The following PDE3A variants were observed in gnomAD, a reference collection of about 807,000 sequenced individuals.
The protein encoded by PDE3A is cGMP-inhibited 3',5'-cyclic phosphodiesterase 3A.
In PDE3A, 43 loss-of-function variants were observed where a neutral mutation model predicts 98.3. That is an observed-to-expected ratio of 0.44 (90% CI 0.34 to 0.56). The LOEUF is 0.56. PDE3A is among the 20% of genes least tolerant of loss of function. PDE3A has a pLI of 0.01. For synonymous variants in PDE3A, 663 were observed against 567.9 expected, an observed-to-expected ratio of 1.17 and a Z score of -2.38; for missense variants, 1,427 against 1,440.7, an observed-to-expected ratio of 0.99 and a Z score of 0.15.
intron 1 of PDE3A, among the ~76,000 whole-genome samples, chr12:20,543,619 A>C (rs1565583551): frequency 6.6e-6 from 1 of 152,040 alleles, no homozygotes; most frequent in Non-Finnish European, 1.5e-5. Flanking sequence ...ATGCTGCATG[A>C]AGTTTTAATT....
chr12:20,635,079 A>G (rs377312704), intron 8 of PDE3A, 23 bp downstream of exon 8: 1 of 1,583,524 alleles, frequency 6.3e-7, no homozygotes, highest in Non-Finnish European at 8.6e-7. Flanking sequence ...CACTTAACTC[A>G]CTCATTTACT....
chr12:20,625,354 T>C (rs1269765321), intron 5 of PDE3A, among the ~76,000 whole-genome samples: 1 of 152,172 alleles, frequency 6.6e-6, no homozygotes, highest in African/African-American at 2.4e-5. Context: ...ATCGTTACTG[T>C]ATTTGCAGTA....
chr12:20,438,285 T>C (rs555108562), intron 1 of PDE3A, among the ~76,000 whole-genome samples: 15 of 152,346 alleles, frequency 9.8e-5, no homozygotes, highest in Non-Finnish European at 4.4e-5. Flanking sequence ...CAGTGTTTAC[T>C]ATAAGGCTTT....
At chr12:20,422,077 T>C (rs1192441328) in intron 1 of PDE3A, among the ~76,000 whole-genome samples, 3 of 152,358 alleles carry the variant, frequency 2.0e-5, no homozygotes, top group Non-Finnish European at 4.4e-5. Flanking sequence ...CCGGGCGCAA[T>C]GGCTCACGCC....
rs570798552 is a variant in PDE3A at position 20,656,263 on chromosome 12, G to A, written c.3184+2058G>A. ...CACAGTCAGGATAATGCACAACTTG[G>A]TTCATTCCAACCATCTTGTAAGGAG... On this transcript the variant is annotated intron_variant, in intron 15 of 15. Coordinates refer to ENST00000359062, the MANE Select transcript of PDE3A (RefSeq NM_000921.5). Among the ~76,000 whole-genome samples, 27 of 152,206 alleles carry A rather than the reference G, an allele frequency of 1.8e-4. No individual in the cohort carries two copies. The South Asian group carries it at 5.4e-3, about 30-fold the overall frequency.
intron 8 of PDE3A, among the ~76,000 whole-genome samples, chr12:20,636,024 AGAAAG>A (rs1452151770): frequency 6.6e-6 from 1 of 152,204 alleles, no homozygotes; most frequent in Non-Finnish European, 1.5e-5. Context: ...TATTTTATAA[AGAAAG>A]AAAAGAAAGA....
intron 1 of PDE3A, among the ~76,000 whole-genome samples, chr12:20,424,455 G>C (rs1944572070): frequency 1.3e-5 from 2 of 152,054 alleles, no homozygotes; most frequent in South Asian, 4.1e-4. Flanking sequence ...ATGAATTCCT[G>C]ATTACTCTGT....
chr12:20,626,285 G>C (rs1015897473), intron 5 of PDE3A, among the ~76,000 whole-genome samples: 1 of 146,294 alleles, frequency 6.8e-6, no homozygotes, highest in African/African-American at 2.7e-5. Context: ...AGACCGATAC[G>C]GTCTTCAAAA....
intron 1 of PDE3A, among the ~76,000 whole-genome samples, chr12:20,510,573 G>C (rs1203747413): frequency 2.0e-5 from 3 of 152,042 alleles, no homozygotes; most frequent in Admixed American, 2.0e-4. Flanking sequence ...AGATGGAGAA[G>C]TTGAAGACAC....
At chr12:20,616,483 T>A (rs1944011059) in intron 4 of PDE3A, 99 bp downstream of exon 4, 3 of 1,139,162 alleles carry the variant, frequency 2.6e-6, no homozygotes, top group African/African-American at 3.1e-5. Context: ...CAATTACATT[T>A]GGTTGGAGGT....
At chr12:20,652,786 A>C (rs1365034817) in intron 14 of PDE3A, among the ~76,000 whole-genome samples, 1 of 152,186 alleles carries the variant, frequency 6.6e-6, no homozygotes, top group Non-Finnish European at 1.5e-5. Flanking sequence ...CATGTCTAAA[A>C]CACCAAAAGC....
At chr12:20,547,464 A>G (rs1303206784) in intron 1 of PDE3A, among the ~76,000 whole-genome samples, 1 of 152,206 alleles carries the variant, frequency 6.6e-6, no homozygotes, top group African/African-American at 2.4e-5. Context: ...ATGATGAAAT[A>G]GAAAGTGGAC....
intron 1 of PDE3A, among the ~76,000 whole-genome samples, chr12:20,488,135 G>A (rs1945763234): frequency 6.6e-6 from 1 of 151,964 alleles, no homozygotes; most frequent in Admixed American, 6.6e-5. Context: ...CTCTTGGGGG[G>A]CAAGAGGGGC....
In PDE3A at chr12:20,369,577, CGGA is replaced by C. The variant is rs779076986; in HGVS notation, c.303_305del (p.Glu102del). Reference sequence around the variant, plus strand: ...GAGCAGTGTAAGGAGGCGGCGGCGGCGGAGGAGGAGGAAGCAGCCCCGGGAGCA... The same window carrying C: ...GAGCAGTGTAAGGAGGCGGCGGCGGCGGAGGAGGAAGCAGCCCCGGGAGCA... On this transcript the variant is annotated inframe_deletion, in exon 1 of 16. Transcript: ENST00000359062. 3.9e-6 allele frequency: 6 copies of C among 1,549,492 alleles called. No homozygotes were observed. The highest frequency in any genetic ancestry group is 2.0e-5 in the Admixed American group (1 of 50,840).
chr12:20,494,429 A>G (rs766324569), intron 1 of PDE3A, among the ~76,000 whole-genome samples: 8 of 152,140 alleles, frequency 5.3e-5, no homozygotes, highest in Non-Finnish European at 8.8e-5. Flanking sequence ...TTTTATTGTA[A>G]TGTGGTCAGA....
chr12:20,590,641 GAGGAAA>G (rs1012142578), intron 2 of PDE3A, among the ~76,000 whole-genome samples: 8 of 151,400 alleles, frequency 5.3e-5, no homozygotes, highest in East Asian at 1.9e-4. Context: ...AAGGAAAGGA[GAGGAAA>G]AGGAAAAGGA....
intron 2 of PDE3A, among the ~76,000 whole-genome samples, chr12:20,601,164 A>T (rs1943581906): frequency 6.6e-6 from 1 of 152,192 alleles, no homozygotes; most frequent in Admixed American, 6.5e-5. Flanking sequence ...TGCAACGAGG[A>T]TCTATGTATA....
chr12:20,465,399 T>G (rs1030685971), intron 1 of PDE3A, among the ~76,000 whole-genome samples: 1 of 151,886 alleles, frequency 6.6e-6, no homozygotes, highest in Non-Finnish European at 1.5e-5. Context: ...AAAAATTTAT[T>G]TATTTTATTT....
At chr12:20,470,878 G>T (rs1361468122) in intron 1 of PDE3A, among the ~76,000 whole-genome samples, 1 of 149,772 alleles carries the variant, frequency 6.7e-6, no homozygotes, top group African/African-American at 2.5e-5. Context: ...TCGAGAGAGT[G>T]GGCCCTCGTA....
Sources: gnomAD v4.1 joint callset for allele counts (sites outside exome capture counted in the v4.1 genomes callset) on GRCh38, gnomAD v4.1.1 for gene constraint, MANE v1.5 for transcripts, NCBI Gene and HGNC (gene_info 2026-07-23, HGNC 2026-07-21) for gene names.